SCN8A: variants seen among roughly 807,000 people sequenced by gnomAD.
SCN8A encodes sodium voltage-gated channel alpha subunit 8.
Under a neutral mutation model 184.1 loss-of-function variants are expected in SCN8A, and 30 were observed. The observed-to-expected ratio is 0.16, with a 90% CI of 0.12 to 0.22. The LOEUF (loss-of-function observed/expected upper bound fraction) is 0.22. Ranked by LOEUF, SCN8A falls within the 10% of genes least tolerant of loss-of-function variation. SCN8A has a pLI of 1.00. For synonymous variants in SCN8A, 852 were observed against 907.0 expected, an observed-to-expected ratio of 0.94 and a Z score of 1.09; for missense variants, 1,057 against 2,498.9, an observed-to-expected ratio of 0.42 and a Z score of 12.30.
At chr12:51,735,096 A>G (rs1413756727) in intron 12 of SCN8A, among the ~76,000 whole-genome samples, 3 of 152,118 alleles carry the variant, frequency 2.0e-5, no homozygotes, top group Non-Finnish European at 2.9e-5. Flanking sequence ...ACAAATCCTT[A>G]TGTTTAGCTC....
At chr12:51,687,314 C>T in intron 5 of SCN8A, 95 bp downstream of exon 5, 1 of 1,405,772 alleles carries the variant, frequency 7.1e-7, no homozygotes. Flanking sequence ...TTTGTGGACA[C>T]AGCTGTATGA....
intron 1 of SCN8A, among the ~76,000 whole-genome samples, chr12:51,626,819 TTTAA>T (rs1940088746): frequency 6.7e-6 from 1 of 150,010 alleles, no homozygotes; most frequent in Non-Finnish European, 1.5e-5. Flanking sequence ...TTAATTGATA[TTTAA>T]TTATATATTC....
At chr12:51,620,958 G>C (rs1322081116) in intron 1 of SCN8A, among the ~76,000 whole-genome samples, 1 of 152,156 alleles carries the variant, frequency 6.6e-6, no homozygotes, top group African/African-American at 2.4e-5. Context: ...CTGCATTCCA[G>C]CCTGGGTGAC....
intron 26 of SCN8A, among the ~76,000 whole-genome samples, chr12:51,796,679 G>T (rs1260493125): frequency 2.6e-5 from 4 of 152,180 alleles, no homozygotes; most frequent in African/African-American, 9.6e-5. Context: ...GCTGAAGGGA[G>T]CCAGTAGTGG....
chr12:51,649,802 A>T (rs142556129), intron 1 of SCN8A, among the ~76,000 whole-genome samples: 2,803 of 152,220 alleles, frequency 0.018, 84 homozygotes, highest in African/African-American at 0.064. Context: ...CATTTTCCCC[A>T]TTGTCTTGGA....
intron 20 of SCN8A, 34 bp from the exon 21 acceptor site, chr12:51,780,605 GGTTACCTTTT>G: frequency 1.4e-5 from 1 of 71,134 alleles, no homozygotes; most frequent in Non-Finnish European, 2.3e-5. Context: ...TTTTTTTTTT[GGTTACCTTTT>G]TTGTTTTTGT....
chr12:51,716,543 C>A (rs1941967996), intron 11 of SCN8A, among the ~76,000 whole-genome samples: 1 of 152,022 alleles, frequency 6.6e-6, no homozygotes, highest in Non-Finnish European at 1.5e-5. Context: ...AGGGTGGCTG[C>A]ATGGTAGGGT....
In SCN8A at chr12:51,626,618, C is replaced by T. The variant is rs571118361; in HGVS notation, c.-55+35259C>T. 2.0e-5 allele frequency among the ~76,000 whole-genome samples: 3 copies of T among 152,194 alleles called. No individual in the cohort carries two copies. The East Asian group carries it at 5.8e-4, about 29-fold the overall frequency. On this transcript the variant is annotated intron_variant, in intron 1 of 26. Coordinates refer to ENST00000627620, the MANE Select transcript of SCN8A (RefSeq NM_001330260.2). ...GGAACTTGCTAGTCTTTGAAGATTACAGGGCTTTAATCAAACAGATGGAAA... is the reference window on the plus strand; with the variant it reads ...GGAACTTGCTAGTCTTTGAAGATTATAGGGCTTTAATCAAACAGATGGAAA...
rs147057250 is a variant in SCN8A, at chr12:51,660,239, G to A, written c.-54-2525G>A. Among the ~76,000 whole-genome samples the A allele has an allele frequency of 2.3e-3, 354 of 152,220 alleles. 1 individual carries two copies. The highest frequency in any genetic ancestry group is 0.014 in the Middle Eastern group (4 of 294). ...CAATTGAAGATGGGATGAAGAGCAGGGGTAATCGAGAGGACACAGTCTTGG... is the reference window on the plus strand; with the variant it reads ...CAATTGAAGATGGGATGAAGAGCAGAGGTAATCGAGAGGACACAGTCTTGG... On this transcript the variant is annotated intron_variant, in intron 1 of 26. Transcript: ENST00000627620.
At chr12:51,639,504 T>C (rs191989791) in intron 1 of SCN8A, among the ~76,000 whole-genome samples, 1,605 of 152,158 alleles carry the variant, frequency 0.011, 14 homozygotes, top group Non-Finnish European at 0.016. Context: ...AGCCTCGAAC[T>C]CCCTGACTCA....
intron 1 of SCN8A, among the ~76,000 whole-genome samples, chr12:51,659,574 G>A (rs1218393207): frequency 2.0e-5 from 3 of 152,184 alleles, no homozygotes; most frequent in Admixed American, 2.0e-4. Flanking sequence ...GAGTGGCAGT[G>A]AAATGGCAGA....
chr12:51,765,664 T>TG lies in SCN8A; in HGVS notation c.2545-7_2545-6insG, dbSNP rs397698424. Reference sequence around the variant, plus strand: ...TATTTTTTTGTTTGGGTTTTTTTTTTCCTTAGCTCCGAGTCTTCAAATTGG... The same window carrying TG: ...TATTTTTTTGTTTGGGTTTTTTTTTTGCCTTAGCTCCGAGTCTTCAAATTGG... On this transcript the variant is annotated splice_region_variant and splice_polypyrimidine_tract_variant and intron_variant, in intron 15 of 26. Coordinates refer to ENST00000627620, the MANE Select transcript of SCN8A (RefSeq NM_001330260.2). 1 of 1,511,188 alleles carries TG rather than the reference T, an allele frequency of 6.6e-7. No individual in the cohort carries two copies. The highest frequency in any genetic ancestry group is 2.3e-5 in the East Asian group (1 of 43,696). 93.6% of individuals were successfully genotyped at this position (1,511,188 alleles called of 1,614,324 possible).
intron 6 of SCN8A, among the ~76,000 whole-genome samples, chr12:51,699,089 A>G (rs1044229846): frequency 6.6e-6 from 1 of 152,272 alleles, no homozygotes; most frequent in African/African-American, 2.4e-5. Context: ...CTGAAACACT[A>G]GTAACAATGG....
chr12:51,735,199 AC>A (rs1247089060), intron 12 of SCN8A, among the ~76,000 whole-genome samples: 1 of 152,088 alleles, frequency 6.6e-6, no homozygotes, highest in Non-Finnish European at 1.5e-5. Flanking sequence ...TGGTATTTCT[AC>A]CATGTGATCA....
chr12:51,744,994 G>A (rs771586340), intron 12 of SCN8A, among the ~76,000 whole-genome samples: 1 of 152,076 alleles, frequency 6.6e-6, no homozygotes, highest in African/African-American at 2.4e-5. Flanking sequence ...AAGTCTACAT[G>A]GGTGATATGG....
chr12:51,657,337 T>C (rs970625774), intron 1 of SCN8A, among the ~76,000 whole-genome samples: 2 of 152,116 alleles, frequency 1.3e-5, no homozygotes, highest in Non-Finnish European at 2.9e-5. Context: ...TCTAGCAATT[T>C]AATCCACTTT....
chr12:51,657,780 G>A (rs1383669126), intron 1 of SCN8A, among the ~76,000 whole-genome samples: 1 of 151,956 alleles, frequency 6.6e-6, no homozygotes, highest in Non-Finnish European at 1.5e-5. Flanking sequence ...AATTCATTTT[G>A]AGTTGATTTT....
intron 14 of SCN8A, among the ~76,000 whole-genome samples, chr12:51,754,137 A>G (rs1027819643): frequency 6.6e-6 from 1 of 152,186 alleles, no homozygotes; most frequent in Admixed American, 6.5e-5. Flanking sequence ...CACATGTTTT[A>G]TAGAGGAAAT....
chr12:51,785,798 C>G (rs1023046170), intron 21 of SCN8A, among the ~76,000 whole-genome samples: 1 of 152,114 alleles, frequency 6.6e-6, no homozygotes, highest in Non-Finnish European at 1.5e-5. Context: ...TTCTAATACA[C>G]TGTGATGAGT....
Sources: gnomAD v4.1 joint callset for allele counts (sites outside exome capture counted in the v4.1 genomes callset) on GRCh38, gnomAD v4.1.1 for gene constraint, MANE v1.5 for transcripts, NCBI Gene and HGNC (gene_info 2026-07-23, HGNC 2026-07-21) for gene names.